The following TSPEAR variants were observed in gnomAD, a reference collection of about 807,000 sequenced individuals.
TSPEAR encodes thrombospondin-type laminin G domain and EAR repeat-containing protein.
Under a neutral mutation model 71.6 loss-of-function variants are expected in TSPEAR, and 69 were observed. That is an observed-to-expected ratio of 0.96 (90% CI 0.79 to 1.18). TSPEAR has a LOEUF of 1.18. Among genes scored for constraint, TSPEAR ranks in the 50% most tolerant of loss-of-function variants. TSPEAR has a pLI of 0.00. For synonymous variants in TSPEAR, 402 were observed against 387.2 expected (o/e 1.04, Z -0.45); for missense variants, 971 against 894.9 (o/e 1.09, Z -1.09).
intron 2 of TSPEAR, among the ~76,000 whole-genome samples, chr21:44,567,388 A>G (rs2053717298): frequency 6.6e-6 from 1 of 152,214 alleles, no homozygotes; most frequent in African/African-American, 2.4e-5. Context: ...TCACCTTCCA[A>G]ACTAGTAGGC....
chr21:44,609,937 T>C (rs952499935), intron 1 of TSPEAR, among the ~76,000 whole-genome samples: 2 of 152,122 alleles, frequency 1.3e-5, no homozygotes, highest in African/African-American at 4.8e-5. Context: ...CAATAGGAAA[T>C]CAGATCATAC....
chr21:44,500,708 G>A (rs2052014516), intron 11 of TSPEAR, among the ~76,000 whole-genome samples: 1 of 152,178 alleles, frequency 6.6e-6, no homozygotes, highest in South Asian at 2.1e-4. Flanking sequence ...GCAGGGTTTT[G>A]CTTTGAGGAC....
At chr21:44,627,017 C>G (rs1292197165) in intron 1 of TSPEAR, 1 of 1,231,258 alleles carries the variant, frequency 8.1e-7, no homozygotes, top group Admixed American at 2.4e-5. Context: ...CTCTCAGCAA[C>G]AAGGAAGGGG....
At chr21:44,639,679 G>A (rs1291835198) in intron 1 of TSPEAR, among the ~76,000 whole-genome samples, 3 of 152,196 alleles carry the variant, frequency 2.0e-5, no homozygotes, top group Non-Finnish European at 2.9e-5. Flanking sequence ...GGCCATCCTC[G>A]GGAGGGGCTC....
At chr21:44,677,680 G>T in intron 1 of TSPEAR, 1 of 1,409,596 alleles carries the variant, frequency 7.1e-7, no homozygotes, top group South Asian at 1.2e-5. Flanking sequence ...GCTGAAGCTG[G>T]AGTATCTCCC....
chr21:44,688,916 A>T (rs1383148843), intron 1 of TSPEAR, among the ~76,000 whole-genome samples: 3 of 152,072 alleles, frequency 2.0e-5, no homozygotes, highest in African/African-American at 4.8e-5. Flanking sequence ...CCCGAGGGGC[A>T]CCAGGCACAG....
intron 9 of TSPEAR, 99 bp from the exon 10 acceptor site, chr21:44,509,485 G>A (rs1454823304): frequency 1.8e-5 from 12 of 649,424 alleles, no homozygotes; most frequent in South Asian, 1.4e-4. Flanking sequence ...GCAGAGGTGT[G>A]GGGGAGGGGG....
chr21:44,613,617 G>T (rs1749071305), intron 1 of TSPEAR, among the ~76,000 whole-genome samples: 1 of 152,032 alleles, frequency 6.6e-6, no homozygotes, highest in African/African-American at 2.4e-5. Flanking sequence ...TAGCAGCAAT[G>T]CGAGGGGAGA....
At chr21:44,510,649 C>G (rs370567353) in intron 9 of TSPEAR, 1 of 152,296 alleles carries the variant, frequency 6.6e-6, no homozygotes, top group African/African-American at 2.4e-5. Flanking sequence ...CGTCAACGTG[C>G]GTTCTCCACG....
chr21:44,511,228 A>G (rs1427905563), intron 9 of TSPEAR, among the ~76,000 whole-genome samples: 4 of 149,142 alleles, frequency 2.7e-5, no homozygotes, highest in African/African-American at 9.7e-5. Context: ...GCCTGCACAC[A>G]CCTGCACACA....
In TSPEAR at chr21:44,593,932, T is replaced by C. The variant is rs1190009006; in HGVS notation, c.83-25927A>G. Among the ~76,000 whole-genome samples, 2 of 152,208 alleles carry C rather than the reference T, an allele frequency of 1.3e-5. No homozygotes were observed. Among genetic ancestry groups the C allele is most frequent in the African/African-American group, 2.4e-5 (1 of 41,448 alleles). On this transcript the variant is annotated intron_variant, in intron 1 of 11. Transcript: ENST00000323084. This position sits in a 1 kb window ranked among gnomAD's most constrained non-coding sequence, Gnocchi z 5.9. ...AGCTCTGACTGGGCAGGAGACTGAC[T>C]TCAGGAACCTCCTCCTGATAAGGGA...
rs233226 is a variant in TSPEAR at position 44,508,518 on chromosome 21, T to C, written c.1754+681A>G. On this transcript the variant is annotated intron_variant, in intron 10 of 11. Coordinates refer to ENST00000323084, the MANE Select transcript of TSPEAR (RefSeq NM_144991.3). ...TGGGATCTGGGTAATACGGATTCGATTGCAGGTTTATTCACAGACCGGAAT... is the reference window on the plus strand; with the variant it reads ...TGGGATCTGGGTAATACGGATTCGACTGCAGGTTTATTCACAGACCGGAAT... 2,310 of 1,091,340 alleles carry C rather than the reference T, an allele frequency of 2.1e-3. 5 individuals are homozygous for C. Among genetic ancestry groups the C allele is most frequent in the Non-Finnish European group, 2.5e-3 (2,192 of 888,176 alleles). 67.6% of individuals were successfully genotyped at this position (1,091,340 alleles called of 1,614,324 possible).
chr21:44,499,083 A>G lies in TSPEAR; in HGVS notation c.*700T>C, dbSNP rs1488429900. 1 of 152,252 alleles carries G rather than the reference A, an allele frequency of 6.6e-6. No homozygotes were observed. Among genetic ancestry groups the G allele is most frequent in the Non-Finnish European group, 1.5e-5 (1 of 68,072 alleles). The allele number at this position is 152,252 out of a possible 1,614,324, so 9.4% of individuals were successfully genotyped here. A position where few individuals can be genotyped will look rare whatever the true frequency, so the allele number is the denominator to read the frequency against. On this transcript the variant is annotated 3_prime_UTR_variant, in exon 12 of 12. Transcript: ENST00000323084. ...TAAAATGCTGCTGAATAGGGAAAAA[A>G]TCCCGGGCCCAGAAGTTGAGGTCCC...
At chr21:44,608,369 A>G (rs587725676) in intron 1 of TSPEAR, among the ~76,000 whole-genome samples, 3 of 152,268 alleles carry the variant, frequency 2.0e-5, no homozygotes, top group African/African-American at 7.2e-5. Context: ...GTTAAGTGAC[A>G]TTGTCTTGGT....
intron 9 of TSPEAR, among the ~76,000 whole-genome samples, chr21:44,514,246 G>A (rs2052486993): frequency 6.6e-6 from 1 of 152,184 alleles, no homozygotes; most frequent in Non-Finnish European, 1.5e-5. Context: ...GGTGCTTAGG[G>A]GCTCCTGCCT....
chr21:44,681,872 G>A, intron 1 of TSPEAR: 4 of 1,614,060 alleles, frequency 2.5e-6, no homozygotes, highest in Non-Finnish European at 3.4e-6. Context: ...TGGGTCTGCA[G>A]AGGACGCTGG....
At chr21:44,602,377 G>A (rs1200385664) in intron 1 of TSPEAR, among the ~76,000 whole-genome samples, 7 of 152,190 alleles carry the variant, frequency 4.6e-5, no homozygotes, top group Admixed American at 1.3e-4. Flanking sequence ...CAACAGCAGC[G>A]CCTGCCCTGG....
intron 2 of TSPEAR, among the ~76,000 whole-genome samples, chr21:44,535,603 G>A (rs2053075271): frequency 6.6e-6 from 1 of 152,202 alleles, no homozygotes. Flanking sequence ...GCGACTGCCT[G>A]CAGTATTCCC....
intron 1 of TSPEAR, among the ~76,000 whole-genome samples, chr21:44,595,560 C>T (rs960468733): frequency 6.6e-6 from 1 of 152,302 alleles, no homozygotes; most frequent in Admixed American, 6.5e-5. Flanking sequence ...CTCTGTAAGA[C>T]GTGCTGGAGC....
Sources: gnomAD v4.1 joint callset for allele counts (sites outside exome capture counted in the v4.1 genomes callset) on GRCh38, gnomAD v4.1.1 for gene constraint, Gnocchi (gnomAD v3.1) non-coding constraint, MANE v1.5 for transcripts, NCBI Gene and HGNC (gene_info 2026-07-23, HGNC 2026-07-21) for gene names.